Variants in PGBD2 observed in about 807,000 individuals in gnomAD.
PGBD2 encodes the protein piggyBac transposable element-derived protein 2.
PGBD2 carries 6 observed loss-of-function variants against 8.1 expected under a neutral mutation model. The observed-to-expected ratio is 0.74, with a 90% confidence interval of 0.40 to 1.46. PGBD2 has a LOEUF of 1.46. Among genes scored for constraint, PGBD2 ranks in the 40% most tolerant of loss-of-function variants. The probability of loss-of-function intolerance (pLI) is 0.02; values close to 1 mark genes in which losing one functional copy is unlikely to be tolerated. For missense variants in PGBD2, 802 were observed against 739.0 expected (o/e 1.09, Z -0.99); for synonymous variants, 318 against 272.2 (o/e 1.17, Z -1.66).
chr1:248,923,250 C>T (rs543432105), downstream of PGBD2, among the ~76,000 whole-genome samples: 100 of 152,186 alleles, frequency 6.6e-4, no homozygotes, highest in African/African-American at 2.1e-3. Flanking sequence ...TGCATAGATG[C>T]GTTTATAGTA....
the PGBD2 span, among the ~76,000 whole-genome samples, chr1:248,882,324 A>G: frequency 5.9e-5 from 9 of 152,240 alleles, no homozygotes; most frequent in African/African-American, 2.2e-4. Context: ...ATTCTTTAAC[A>G]TAACATCTGT....
the PGBD2 span, among the ~76,000 whole-genome samples, chr1:248,892,323 C>T: frequency 4.0e-5 from 5 of 123,754 alleles, no homozygotes; most frequent in South Asian, 1.1e-3. Flanking sequence ...TTCCTTTCTT[C>T]CTTTTACTTT....
chr1:248,913,778 T>A, intron 1 of PGBD2, 38 bp from the exon 2 acceptor site: 1 of 1,081,810 alleles, frequency 9.2e-7, no homozygotes, highest in Non-Finnish European at 1.4e-6. Flanking sequence ...CTTCTTAAGA[T>A]ACAATTTTTT....
downstream of PGBD2, among the ~76,000 whole-genome samples, chr1:248,921,434 A>T (rs570649056): frequency 6.6e-6 from 1 of 152,346 alleles, no homozygotes; most frequent in South Asian, 2.1e-4. Flanking sequence ...TTTGTCAAAG[A>T]TCAGATGCTA....
At chr1:248,900,276 T>C in the PGBD2 span, among the ~76,000 whole-genome samples, 1 of 151,834 alleles carries the variant, frequency 6.6e-6, no homozygotes, top group African/African-American at 2.4e-5. Context: ...CTGGCAGAAA[T>C]ACAACAACAA....
At chr1:248,875,699 C>T in the PGBD2 span, among the ~76,000 whole-genome samples, 5 of 152,196 alleles carry the variant, frequency 3.3e-5, no homozygotes, top group Non-Finnish European at 5.9e-5. Context: ...TTTTTCAGAT[C>T]TCCAGGCCAA....
At chr1:248,911,979 C>T in intron 1 of PGBD2, among the ~76,000 whole-genome samples, 1 of 151,896 alleles carries the variant, frequency 6.6e-6, no homozygotes, top group African/African-American at 2.4e-5. Flanking sequence ...GTGAGTTGTC[C>T]AGGGAAATTA....
the PGBD2 span, among the ~76,000 whole-genome samples, chr1:248,927,977 G>T: frequency 6.6e-6 from 1 of 152,152 alleles, no homozygotes; most frequent in Non-Finnish European, 1.5e-5. Context: ...AAAGCAAATA[G>T]AATTTCCAAC....
At chr1:248,914,336 G>A (rs191038906) in intron 2 of PGBD2, 1 of 924,984 alleles carries the variant, frequency 1.1e-6, no homozygotes, top group Non-Finnish European at 1.3e-6. Flanking sequence ...GGACAGGTCA[G>A]GAAAGCGTGA....
In PGBD2 at chr1:248,916,448, GA is replaced by G. The variant is rs887147914; in HGVS notation, c.18-150del. 6.6e-5 allele frequency among the ~76,000 whole-genome samples: 10 copies of G among 152,274 alleles called. 1 individual carries two copies. The highest frequency in any genetic ancestry group is 5.9e-4 in the Admixed American group (9 of 15,296). Reference sequence around the variant, plus strand: ...AAAAAGCAGAATCTGTGTTTAGCTGGAAAATTTACTTACTAAATGCGGTGCC... The same window carrying G: ...AAAAAGCAGAATCTGTGTTTAGCTGGAAATTTACTTACTAAATGCGGTGCC... On this transcript the variant is annotated intron_variant, in intron 2 of 2. Coordinates refer to ENST00000329291, the MANE Select transcript of PGBD2 (RefSeq NM_170725.3).
downstream of PGBD2, chr1:248,919,560 ATCTT>A (rs1324948543): frequency 6.0e-6 from 1 of 166,992 alleles, no homozygotes; most frequent in Non-Finnish European, 1.5e-5. Context: ...ATGAGTTCAG[ATCTT>A]TCTTCAATAT....
Position 248,916,962 on chromosome 1 carries a change from A to G in PGBD2, c.378A>G (p.Ala126=), listed in dbSNP as rs1483728191. ...GTCCAGACTTTGGCAGTTGGACTGCATCAGATCCTCATATTGAGGATCTGA... is the reference window on the plus strand; with the variant it reads ...GTCCAGACTTTGGCAGTTGGACTGCGTCAGATCCTCATATTGAGGATCTGA... ...DIRPDFGSWT[A]SDPHIEDLKS... is the part of the protein sequence containing the mutation. Residue 126 remains alanine (A), a synonymous_variant, in exon 3 of 3, where the codon GCA becomes GCG. Transcript: ENST00000329291. The G allele has an allele frequency of 1.9e-6, 3 of 1,613,292 alleles. No individual in the cohort carries two copies. The highest frequency in any genetic ancestry group is 2.5e-6 in the Non-Finnish European group (3 of 1,179,790).
At chr1:248,889,933 T>C in the PGBD2 span, among the ~76,000 whole-genome samples, 9 of 141,794 alleles carry the variant, frequency 6.3e-5, no homozygotes, top group South Asian at 4.2e-4. Flanking sequence ...CTTTTCTTTT[T>C]TTTTTTTTTT....
At chr1:248,922,573 G>T (rs553889360), downstream of PGBD2, among the ~76,000 whole-genome samples, 2 of 152,258 alleles carry the variant, frequency 1.3e-5, no homozygotes, top group African/African-American at 4.8e-5. Flanking sequence ...TGCCCATTCA[G>T]TATGATATTG....
upstream of PGBD2, among the ~76,000 whole-genome samples, chr1:248,905,856 C>T (rs1410394017): frequency 6.6e-5 from 10 of 152,144 alleles, no homozygotes; most frequent in East Asian, 1.9e-4. Context: ...TTGGGCACAC[C>T]CTCAGAGTTT....
the PGBD2 span, among the ~76,000 whole-genome samples, chr1:248,875,748 C>A: frequency 6.6e-6 from 1 of 152,182 alleles, no homozygotes; most frequent in Non-Finnish European, 1.5e-5. Flanking sequence ...CAGACGGAAC[C>A]AGGTCCATGC....
chr1:248,907,276 A>G (rs1218180638), intron 1 of PGBD2, among the ~76,000 whole-genome samples: 1 of 152,260 alleles, frequency 6.6e-6, no homozygotes, highest in East Asian at 1.9e-4. Flanking sequence ...TCAGTGGAAT[A>G]AAGAATAACA....
intron 2 of PGBD2, among the ~76,000 whole-genome samples, chr1:248,916,285 G>A (rs553640645): frequency 1.3e-5 from 2 of 152,126 alleles, no homozygotes; most frequent in South Asian, 2.1e-4. Flanking sequence ...ATGGTGGCAC[G>A]CACCTGTAGT....
the PGBD2 span, among the ~76,000 whole-genome samples, chr1:248,892,645 T>G: frequency 0.035 from 5,270 of 152,238 alleles, 298 homozygotes; most frequent in African/African-American, 0.12. Context: ...GTCCTGAAAT[T>G]TTCTTTTCTT....
Sources: allele counts gnomAD v4.1 joint callset (sites outside exome capture counted in the v4.1 genomes callset), GRCh38; gene constraint gnomAD v4.1.1; transcripts MANE v1.5; gene names NCBI Gene and HGNC (gene_info 2026-07-23, HGNC 2026-07-21).